The following TANK variants were observed in gnomAD, a reference collection of about 807,000 sequenced individuals.
TANK encodes TRAF family member-associated NF-kappa-B activator.
In TANK, 15 loss-of-function variants were observed where a neutral mutation model predicts 43.6. That is an observed-to-expected ratio of 0.34 (90% confidence interval 0.23 to 0.53). The LOEUF (loss-of-function observed/expected upper bound fraction) is 0.53, where lower values mean the gene tolerates loss of function less well. Among genes scored for constraint, TANK ranks in the 20% least tolerant of loss-of-function variants. The pLI, the probability that TANK is intolerant of heterozygous loss-of-function variation, is 0.94. For synonymous variants in TANK, 162 were observed against 178.2 expected (o/e 0.91, Z 0.73); for missense variants, 417 against 498.6 (o/e 0.84, Z 1.56).
intron 2 of TANK, among the ~76,000 whole-genome samples, chr2:161,186,353 T>G (rs1354955495): frequency 6.6e-6 from 1 of 152,236 alleles, no homozygotes; most frequent in African/African-American, 2.4e-5. Flanking sequence ...TCAGAACCTT[T>G]GCATTTACTA....
chr2:161,231,188 A>G lies in TANK; in HGVS notation c.738A>G (p.Leu246=). 2 of 1,614,024 alleles carry G rather than the reference A, an allele frequency of 1.2e-6. No individual in the cohort carries two copies. Among genetic ancestry groups the G allele is most frequent in the Non-Finnish European group, 1.7e-6 (2 of 1,180,018 alleles). ...FPPMDNDSTF[L]HSTPERPGIL... is the part of the protein sequence containing the mutation. ...CTATGGACAATGACTCAACTTTCTT[A>G]CATAGCACTCCAGAGAGACCCGGCA... The change falls in exon 7 of 8, where the codon TTA becomes TTG. Residue 246 remains leucine (L), a synonymous_variant. Transcript: ENST00000392749.
At chr2:161,224,046 T>A in intron 5 of TANK, 55 bp downstream of exon 5, 5 of 1,183,828 alleles carry the variant, frequency 4.2e-6, no homozygotes, top group Non-Finnish European at 5.9e-6. Context: ...CTGAAATATA[T>A]TTTATATTTG....
chr2:161,219,698 C>G (rs1375764503), intron 4 of TANK: 2 of 441,262 alleles, frequency 4.5e-6, no homozygotes, highest in African/African-American at 4.2e-5. Flanking sequence ...TGTCTCAGCC[C>G]TTTTTTCACT....
At chr2:161,233,251 C>A (rs182532036) in intron 7 of TANK, among the ~76,000 whole-genome samples, 87 of 152,020 alleles carry the variant, frequency 5.7e-4, no homozygotes, top group African/African-American at 2.1e-3. Context: ...ATATATGTAG[C>A]TGGGTGTGGT....
Position 161,138,944 on chromosome 2 carries a change from A to G in TANK, c.-50+1881A>G, listed in dbSNP as rs578007147. Among the ~76,000 whole-genome samples the G allele has an allele frequency of 1.6e-4, 25 of 152,302 alleles. 1 individual carries two copies. The highest frequency in any genetic ancestry group is 5.5e-4 in the African/African-American group (23 of 41,576). On this transcript the variant is annotated intron_variant, in intron 1 of 7. Transcript: ENST00000259075. ...ATAGAAGTTCTTTATTTATCATTAA[A>G]TGTATTCCAATATATTTTGTTTTGT...
intron 1 of TANK, among the ~76,000 whole-genome samples, chr2:161,167,832 G>T (rs570105550): frequency 3.4e-4 from 52 of 152,120 alleles, no homozygotes; most frequent in African/African-American, 1.3e-3. Context: ...CACCGTGTTA[G>T]CCAGGATGGT....
chr2:161,148,285 C>T (rs1683973433), intron 1 of TANK, among the ~76,000 whole-genome samples: 1 of 152,114 alleles, frequency 6.6e-6, no homozygotes, highest in Non-Finnish European at 1.5e-5. Context: ...CTAATAATGT[C>T]AAGCATTTTT....
At chr2:161,185,947 G>A (rs1217897064) in intron 2 of TANK, among the ~76,000 whole-genome samples, 2 of 152,138 alleles carry the variant, frequency 1.3e-5, no homozygotes, top group African/African-American at 4.8e-5. Context: ...ATATTTAAAT[G>A]TTAATTATAT....
At chr2:161,211,249 C>T (rs1231457745) in intron 4 of TANK, among the ~76,000 whole-genome samples, 1 of 152,208 alleles carries the variant, frequency 6.6e-6, no homozygotes, top group Non-Finnish European at 1.5e-5. Flanking sequence ...CCTAATCTCA[C>T]AGGTCTAGGT....
intron 1 of TANK, among the ~76,000 whole-genome samples, chr2:161,147,345 A>ACTGCCC (rs1343640823): frequency 1.3e-5 from 2 of 152,156 alleles, no homozygotes; most frequent in Admixed American, 6.5e-5. Flanking sequence ...TGTGGTGCTG[A>ACTGCCC]CTGCCCCTGC....
rs187222008 is a variant in TANK at position 161,149,211 on chromosome 2, T to G, written c.-50+12148T>G. ...TCAGTCTATAACTATTTTACCTCTT[T>G]GGTTAAGTTTATTCCTAGGCATTTT... On this transcript the variant is annotated intron_variant, in intron 1 of 7. Coordinates refer to the TANK transcript ENST00000259075. 1.0e-3 allele frequency among the ~76,000 whole-genome samples: 152 copies of G among 152,332 alleles called. 1 individual carries two copies. The highest frequency in any genetic ancestry group is 1.6e-3 in the Non-Finnish European group (111 of 68,020).
chr2:161,167,467 T>C (rs906991912), intron 1 of TANK, among the ~76,000 whole-genome samples: 1 of 152,164 alleles, frequency 6.6e-6, no homozygotes. Flanking sequence ...CTTAAGATAT[T>C]GTATCTATTG....
chr2:161,159,818 A>T (rs2105243008), upstream of TANK, among the ~76,000 whole-genome samples: 1 of 152,354 alleles, frequency 6.6e-6, no homozygotes, highest in South Asian at 2.1e-4. Context: ...GAAATTTTCT[A>T]ATAAAGTTCC....
intron 1 of TANK, 194 bp downstream of exon 1, chr2:161,160,680 C>T (rs1684379088): frequency 4.5e-6 from 2 of 448,122 alleles, no homozygotes. Flanking sequence ...GTCCTTCCCC[C>T]GGAGCGGACT....
intron 6 of TANK, 21 bp downstream of exon 6, chr2:161,224,767 C>A: frequency 1.5e-6 from 2 of 1,358,194 alleles, no homozygotes; most frequent in South Asian, 1.4e-5. Flanking sequence ...ATTTAATTTA[C>A]AGTAATATTG....
At chr2:161,151,600 G>C (rs1684083776) in intron 1 of TANK, among the ~76,000 whole-genome samples, 1 of 151,942 alleles carries the variant, frequency 6.6e-6, no homozygotes, top group African/African-American at 2.4e-5. Flanking sequence ...CTCTCTTTTG[G>C]TTACTGTTTG....
chr2:161,220,013 G>C (rs567006949), intron 4 of TANK, among the ~76,000 whole-genome samples: 1 of 152,234 alleles, frequency 6.6e-6, no homozygotes, highest in African/African-American at 2.4e-5. Context: ...TCCAAGTAAG[G>C]ATTCTCGTTT....
At chr2:161,180,972 A>G (rs1186648839) in intron 2 of TANK, among the ~76,000 whole-genome samples, 1 of 150,622 alleles carries the variant, frequency 6.6e-6, no homozygotes, top group Non-Finnish European at 1.5e-5. Context: ...AGATTCTCTC[A>G]AAAGGAAAGG....
chr2:161,219,746 C>G lies in TANK; in HGVS notation c.328-4169C>G, dbSNP rs1221743810. 6.4e-6 allele frequency: 3 copies of G among 466,136 alleles called. No homozygotes were observed. In the East Asian group the frequency reaches 2.1e-4, roughly 33 times the overall value. The allele number at this position is 466,136 out of a possible 1,614,324, so 28.9% of individuals were successfully genotyped here. ...CAGCTGTATCCAGTGCTTGACTTCA[C>G]TATAACATCTTTTGTCTCAGTATAT... On this transcript the variant is annotated intron_variant, in intron 4 of 7. Transcript: ENST00000392749.
Sources: allele counts gnomAD v4.1 joint callset (sites outside exome capture counted in the v4.1 genomes callset), GRCh38; gene constraint gnomAD v4.1.1; transcripts MANE v1.5; gene names NCBI Gene and HGNC (gene_info 2026-07-23, HGNC 2026-07-21).